The following CYP4X1 variants were observed in gnomAD, a reference collection of about 807,000 sequenced individuals.
CYP4X1 encodes the protein cytochrome P450 family 4 subfamily X member 1.
CYP4X1 carries 44 observed loss-of-function variants against 57.9 expected under a neutral mutation model. The observed-to-expected ratio is 0.76, with a 90% CI of 0.60 to 0.98. The LOEUF is 0.98. CYP4X1 is among the 50% of genes least tolerant of loss of function. The pLI, the probability that CYP4X1 is intolerant of heterozygous loss-of-function variation, is 0.00. For missense variants in CYP4X1, 532 were observed against 623.9 expected, an observed-to-expected ratio of 0.85 and a Z score of 1.57; for synonymous variants, 227 against 228.6, an observed-to-expected ratio of 0.99 and a Z score of 0.06.
At chr1:47,011,729 C>T in the CYP4X1 span, among the ~76,000 whole-genome samples, 2 of 152,078 alleles carry the variant, frequency 1.3e-5, no homozygotes, top group African/African-American at 4.8e-5. Flanking sequence ...TCAAACAACC[C>T]CATCAAAAAG....
At chr1:47,006,700 G>A in the CYP4X1 span, among the ~76,000 whole-genome samples, 1 of 152,322 alleles carries the variant, frequency 6.6e-6, no homozygotes, top group Non-Finnish European at 1.5e-5. Context: ...AGGGGTGACA[G>A]ACGGCACCTG....
At chr1:46,963,789 C>T in the CYP4X1 span, among the ~76,000 whole-genome samples, 1 of 152,266 alleles carries the variant, frequency 6.6e-6, no homozygotes, top group East Asian at 1.9e-4. Flanking sequence ...TGAATGTTGG[C>T]CTGCCTTGCT....
At chr1:47,019,278 C>T (rs150680572), upstream of CYP4X1, among the ~76,000 whole-genome samples, 262 of 152,270 alleles carry the variant, frequency 1.7e-3, 1 homozygote, top group African/African-American at 5.6e-3. Context: ...CCTGCTAAAT[C>T]ATGGAGGTTT....
At chr1:46,981,595 C>T in the CYP4X1 span, among the ~76,000 whole-genome samples, 8 of 152,164 alleles carry the variant, frequency 5.3e-5, no homozygotes, top group Non-Finnish European at 1.0e-4. Context: ...GGATCTAGAA[C>T]TAGAAATACC....
chr1:46,992,233 T>C, the CYP4X1 span, among the ~76,000 whole-genome samples: 1 of 152,236 alleles, frequency 6.6e-6, no homozygotes, highest in Non-Finnish European at 1.5e-5. Flanking sequence ...CGAGAATCAC[T>C]TGAACCCGGG....
chr1:46,962,859 G>A, the CYP4X1 span, among the ~76,000 whole-genome samples: 1 of 152,160 alleles, frequency 6.6e-6, no homozygotes. Context: ...GGGTGTTAAA[G>A]TCTCCCATTA....
chr1:47,007,746 G>C, the CYP4X1 span, among the ~76,000 whole-genome samples: 1 of 152,216 alleles, frequency 6.6e-6, no homozygotes, highest in African/African-American at 2.4e-5. Flanking sequence ...ACCTGACGGA[G>C]CCGAAAACCA....
chr1:47,010,281 C>T, the CYP4X1 span, among the ~76,000 whole-genome samples: 1 of 152,124 alleles, frequency 6.6e-6, no homozygotes, highest in Admixed American at 6.5e-5. Context: ...AAATGTAATC[C>T]AGCATATAAA....
At chr1:46,963,679 T>C in the CYP4X1 span, among the ~76,000 whole-genome samples, 1 of 152,330 alleles carries the variant, frequency 6.6e-6, no homozygotes, top group South Asian at 2.1e-4. Flanking sequence ...TCCTTAACAT[T>C]TTTTCCTTCA....
Position 47,039,407 on chromosome 1 carries a change from A to G in CYP4X1, c.948A>G (p.Ala316=). Residue 316 remains alanine (A), a synonymous_variant, in exon 8 of 12, where the codon GCA becomes GCG. Coordinates refer to ENST00000371901, the MANE Select transcript of CYP4X1 (RefSeq NM_178033.2). Reference sequence around the variant, plus strand: ...CTGAAGTGAGCACATTCCTGTTGGCAGGACATGACACCTTGGCAGCAAGCA... The same window carrying G: ...CTGAAGTGAGCACATTCCTGTTGGCGGGACATGACACCTTGGCAGCAAGCA... The part of the protein sequence containing the change: ...VHSEVSTFLL[A]GHDTLAASIS... 1.2e-6 allele frequency: 2 copies of G among 1,613,706 alleles called. No homozygotes were observed. The highest frequency in any genetic ancestry group is 1.7e-6 in the Non-Finnish European group (2 of 1,179,806).
the CYP4X1 span, among the ~76,000 whole-genome samples, chr1:46,964,980 A>C: frequency 6.6e-6 from 1 of 152,044 alleles, no homozygotes; most frequent in South Asian, 2.1e-4. Context: ...TTGCAGTTTG[A>C]TCTCAGACTG....
At chr1:46,982,339 GTCTGTCATCTCAGCCATTTCTT>G in the CYP4X1 span, among the ~76,000 whole-genome samples, 52 of 152,252 alleles carry the variant, frequency 3.4e-4, 1 homozygote, top group African/African-American at 1.2e-3. Flanking sequence ...TGAATTCCGT[GTCTGTCATCTCAGCCATTTCTT>G]TCTGTCATCT....
chr1:47,036,388 A>ATATATATATATATATATATATG (rs1253688074), intron 6 of CYP4X1, among the ~76,000 whole-genome samples: 1 of 147,726 alleles, frequency 6.8e-6, no homozygotes, highest in Non-Finnish European at 1.5e-5. Flanking sequence ...ATATATATAC[A>ATATATATATATATATATATATG]CTATTTTTAT....
chr1:46,991,351 C>T, the CYP4X1 span, among the ~76,000 whole-genome samples: 1 of 152,126 alleles, frequency 6.6e-6, no homozygotes, highest in African/African-American at 2.4e-5. Flanking sequence ...CACAAGGGGC[C>T]TCATTAATTC....
chr1:46,970,347 T>A, the CYP4X1 span, among the ~76,000 whole-genome samples: 5 of 152,312 alleles, frequency 3.3e-5, no homozygotes, highest in East Asian at 9.7e-4. Flanking sequence ...TGGTGTTCTC[T>A]GAAATGCCAC....
the CYP4X1 span, among the ~76,000 whole-genome samples, chr1:47,009,684 A>G: frequency 6.6e-6 from 1 of 152,212 alleles, no homozygotes; most frequent in Non-Finnish European, 1.5e-5. Flanking sequence ...AAAGAAGAAA[A>G]GAGAGAAGAA....
At chr1:47,004,195 C>A in the CYP4X1 span, among the ~76,000 whole-genome samples, 1 of 151,956 alleles carries the variant, frequency 6.6e-6, no homozygotes, top group Non-Finnish European at 1.5e-5. Flanking sequence ...GGCTCTTGAG[C>A]CCCTGTGCTC....
At chr1:46,995,226 T>A in the CYP4X1 span, among the ~76,000 whole-genome samples, 1 of 152,194 alleles carries the variant, frequency 6.6e-6, no homozygotes, top group African/African-American at 2.4e-5. Flanking sequence ...ATCTTTATGC[T>A]ACGTACCTAA....
chr1:47,036,370 T>TTTTA (rs1553152517), intron 6 of CYP4X1, among the ~76,000 whole-genome samples, 199 bp downstream of exon 6: 2 of 129,838 alleles, frequency 1.5e-5, no homozygotes, highest in African/African-American at 5.6e-5. Flanking sequence ...ATCAGAATTT[T>TTTTA]TATATATATA....
Sources: gnomAD v4.1 joint callset for allele counts (sites outside exome capture counted in the v4.1 genomes callset) on GRCh38, gnomAD v4.1.1 for gene constraint, MANE v1.5 for transcripts, NCBI Gene and HGNC (gene_info 2026-07-23, HGNC 2026-07-21) for gene names.